SLC3A2: variants seen among roughly 807,000 people sequenced by gnomAD.
SLC3A2 encodes solute carrier family 3 member 2, also known as amino acid transporter heavy chain SLC3A2.
Under a neutral mutation model 48.5 loss-of-function variants are expected in SLC3A2, and 32 were observed. The ratio of observed to expected loss-of-function variants is 0.66; its 90% CI spans 0.50 to 0.89. The LOEUF (loss-of-function observed/expected upper bound fraction) is 0.89. Ranked by LOEUF, SLC3A2 falls within the 40% of genes least tolerant of loss-of-function variation. The probability of loss-of-function intolerance (pLI) is 0.00; values close to 1 mark genes in which losing one functional copy is unlikely to be tolerated. For synonymous variants in SLC3A2, 277 were observed against 288.8 expected (o/e 0.96, Z 0.41); for missense variants, 587 against 680.7 (o/e 0.86, Z 1.53).
upstream of SLC3A2, among the ~76,000 whole-genome samples, chr11:62,877,299 G>T (rs2085580844): frequency 6.6e-6 from 1 of 152,146 alleles, no homozygotes; most frequent in African/African-American, 2.4e-5. Flanking sequence ...GACCTCAATT[G>T]ATCTGCCTGC....
At chr11:62,868,114 G>T (rs2085472502) in intron 1 of SLC3A2, among the ~76,000 whole-genome samples, 2 of 151,420 alleles carry the variant, frequency 1.3e-5, no homozygotes, top group Non-Finnish European at 2.9e-5. Flanking sequence ...TAGAGACGGG[G>T]TTTCACAGTG....
intron 1 of SLC3A2, among the ~76,000 whole-genome samples, chr11:62,860,373 C>T (rs968623378): frequency 2.0e-5 from 3 of 151,216 alleles, no homozygotes; most frequent in African/African-American, 7.3e-5. Context: ...GGTGTGATGG[C>T]GTGCGCCTGT....
rs1051285 is a variant in SLC3A2 at position 62,888,751 on chromosome 11, C to T, written c.*58C>T. 38 of 1,444,262 alleles carry T rather than the reference C, an allele frequency of 2.6e-5. 1 individual carries two copies. In the East Asian group the frequency reaches 3.0e-4, roughly 11 times the overall value. The allele number at this position is 1,444,262 out of a possible 1,614,324, so 89.5% of individuals were successfully genotyped here. A position where few individuals can be genotyped will look rare whatever the true frequency, so the allele number is the denominator to read the frequency against. ...CTTTCCTTCCCAGGCCCTTTGGCTT[C>T]TGATTTTTCTCTTTTTTAAAAACAA... On this transcript the variant is annotated 3_prime_UTR_variant, in exon 9 of 9. Transcript: ENST00000338663.
chr11:62,864,656 C>T (rs527571289), intron 1 of SLC3A2, among the ~76,000 whole-genome samples: 2 of 151,810 alleles, frequency 1.3e-5, no homozygotes, highest in African/African-American at 2.4e-5. Flanking sequence ...TTAGTAGAGA[C>T]GGGGTTTCAC....
intron 3 of SLC3A2, chr11:62,884,145 G>A (rs969793027): frequency 3.2e-5 from 17 of 525,140 alleles, no homozygotes; most frequent in African/African-American, 2.3e-4. Context: ...AGTGTTAAAC[G>A]AAGTTATGTT....
rs145570189 is a variant in SLC3A2, at chr11:62,885,501, G to A, written c.1036G>A (p.Ala346Thr). The A allele has an allele frequency of 1.2e-4, 189 of 1,614,012 alleles. No individual in the cohort carries two copies. Among genetic ancestry groups the A allele is most frequent in the Non-Finnish European group, 1.4e-4 (171 of 1,180,028 alleles). ...AAGGCTCCTGACTTCCTTCTTGCCG[G>A]CTCAACTTCTCCGACTCTACCAGCT... ...QARLLTSFLP[A>T]QLLRLYQLML... Residue 346 changes from alanine to threonine, a missense_variant, in exon 7 of 9, where the codon GCT becomes ACT. Coordinates refer to ENST00000338663, the MANE Select transcript of SLC3A2 (RefSeq NM_001013251.3).
At chr11:62,868,096 A>T (rs989028714) in intron 1 of SLC3A2, among the ~76,000 whole-genome samples, 33 of 150,814 alleles carry the variant, frequency 2.2e-4, no homozygotes, top group African/African-American at 8.0e-4. Flanking sequence ...TAATTTTTGT[A>T]TTTTTAGTAG....
intron 1 of SLC3A2, chr11:62,870,849 AATAATAATT>A (rs758609916): frequency 3.3e-3 from 475 of 142,550 alleles, no homozygotes; most frequent in South Asian, 9.2e-3. Context: ...TAATAATAAT[AATAATAATT>A]ATTATTATTA....
chr11:62,861,315 CAA>C (rs1182735957), intron 1 of SLC3A2, among the ~76,000 whole-genome samples: 1 of 147,086 alleles, frequency 6.8e-6, no homozygotes, highest in Admixed American at 6.8e-5. Flanking sequence ...GGCCCTGTCT[CAA>C]AAAAAAAAGA....
chr11:62,858,853 C>T (rs1471820421), intron 1 of SLC3A2, among the ~76,000 whole-genome samples: 2 of 152,180 alleles, frequency 1.3e-5, no homozygotes, highest in African/African-American at 4.8e-5. Context: ...ATAAACATCT[C>T]AATGCTTTAC....
intron 1 of SLC3A2, among the ~76,000 whole-genome samples, chr11:62,858,491 C>G (rs1452923434): frequency 6.6e-6 from 1 of 152,060 alleles, no homozygotes; most frequent in Admixed American, 6.6e-5. Flanking sequence ...CCAAAGTGGG[C>G]GGATCACCTG....
At position 62,881,080 on chromosome 11, in the gene SLC3A2, C is replaced by G. The variant is rs372728816; in HGVS notation, c.57C>G (p.Pro19=). The change falls in exon 1 of 9, where the codon CCC becomes CCG. Residue 19 remains proline, a synonymous_variant. Transcript: ENST00000338663. The surrounding 1 kb of genome is among the most constrained non-coding windows in gnomAD (Gnocchi z 4.0). ...AGGTGGAGCTGAATGAGTTAGAGCC[C>G]GAGAAGCAGCCGATGAACGCGGCGT... ...MKEVELNELE[P]EKQPMNAASG... The G allele has an allele frequency of 7.5e-6, 12 of 1,608,138 alleles. No individual in the cohort carries two copies. Among genetic ancestry groups the G allele is most frequent in the Admixed American group, 1.7e-5 (1 of 59,480 alleles).
Position 62,881,513 on chromosome 11 carries a change from C to A in SLC3A2, c.424+66C>A. 6.7e-7 allele frequency: 1 copy of A among 1,490,494 alleles called. No homozygotes were observed. Among genetic ancestry groups the A allele is most frequent in the Non-Finnish European group, 8.9e-7 (1 of 1,123,096 alleles). 92.3% of individuals were successfully genotyped at this position (1,490,494 alleles called of 1,614,324 possible). On this transcript the variant is annotated intron_variant, in intron 1 of 8. Coordinates refer to ENST00000338663, the MANE Select transcript of SLC3A2 (RefSeq NM_001013251.3). This position sits in a 1 kb window ranked among gnomAD's most constrained non-coding sequence, Gnocchi z 4.0. ...ATCTGGTGGCTTGCACCGACCCCCTCCCCTGTCCCCAGACGGATCTAGATG... is the reference window on the plus strand; with the variant it reads ...ATCTGGTGGCTTGCACCGACCCCCTACCCTGTCCCCAGACGGATCTAGATG...
intron 3 of SLC3A2, 98 bp from the exon 4 acceptor site, chr11:62,884,359 G>A (rs1462441848): frequency 1.5e-5 from 20 of 1,329,596 alleles, no homozygotes; most frequent in East Asian, 2.3e-5. Flanking sequence ...CCCAGCTCCC[G>A]GGGAAGTGTG....
At chr11:62,871,552 A>ATAT (rs749056637) in intron 1 of SLC3A2, 48 of 621,506 alleles carry the variant, frequency 7.7e-5, no homozygotes, top group Non-Finnish European at 9.0e-5. Flanking sequence ...ACTTTATATA[A>ATAT]TATTATTATT....
chr11:62,877,400 A>T (rs574194444), upstream of SLC3A2, among the ~76,000 whole-genome samples: 57 of 152,232 alleles, frequency 3.7e-4, no homozygotes, highest in Admixed American at 3.3e-3. Flanking sequence ...GTTTTGATTG[A>T]CATAGTTCAT....
intron 1 of SLC3A2, among the ~76,000 whole-genome samples, chr11:62,862,912 C>A (rs1267250656): frequency 6.6e-6 from 1 of 152,162 alleles, no homozygotes; most frequent in African/African-American, 2.4e-5. Context: ...AGAGACGTGA[C>A]AGTGGAGAAA....
chr11:62,878,110 G>T (rs961166693), upstream of SLC3A2, among the ~76,000 whole-genome samples: 36 of 151,528 alleles, frequency 2.4e-4, no homozygotes, highest in African/African-American at 8.7e-4. Context: ...AGTGAGCTGA[G>T]ATCGCGCCAC....
chr11:62,881,678 T>G lies in SLC3A2; in HGVS notation c.425-215T>G. The G allele has an allele frequency of 4.8e-6, 4 of 831,322 alleles. No homozygotes were observed. Among genetic ancestry groups the G allele is most frequent in the African/African-American group, 1.7e-5 (1 of 57,252 alleles). 51.5% of individuals were successfully genotyped at this position (831,322 alleles called of 1,614,324 possible). On this transcript the variant is annotated intron_variant, in intron 1 of 8. Transcript: ENST00000338663. This position sits in a 1 kb window ranked among gnomAD's most constrained non-coding sequence, Gnocchi z 4.0. ...GAGGGTGGGTGACTCAGCGTCCTCCTTCCCCGCGGCGCCAGAAGCCAGTTG... is the reference window on the plus strand; with the variant it reads ...GAGGGTGGGTGACTCAGCGTCCTCCGTCCCCGCGGCGCCAGAAGCCAGTTG...
Sources: allele counts gnomAD v4.1 joint callset (sites outside exome capture counted in the v4.1 genomes callset), GRCh38; gene constraint gnomAD v4.1.1; non-coding constraint Gnocchi (gnomAD v3.1); transcripts MANE v1.5; gene names NCBI Gene and HGNC (gene_info 2026-07-23, HGNC 2026-07-21).